The following TMEM131 variants were observed in gnomAD, a reference collection of about 807,000 sequenced individuals.
TMEM131 encodes transmembrane protein 131.
In TMEM131, 66 loss-of-function variants were observed where a neutral mutation model predicts 211.6. That is an observed-to-expected ratio of 0.31 (90% CI 0.26 to 0.38). The LOEUF (loss-of-function observed/expected upper bound fraction) is 0.38, where lower values mean the gene tolerates loss of function less well. TMEM131 is among the 10% of genes least tolerant of loss of function. The pLI is 1.00. For missense variants in TMEM131, 2,036 were observed against 2,299.3 expected, an observed-to-expected ratio of 0.89 and a Z score of 2.34; for synonymous variants, 844 against 841.3, an observed-to-expected ratio of 1.00 and a Z score of -0.06.
intron 1 of TMEM131, among the ~76,000 whole-genome samples, chr2:97,938,262 G>T (rs1468335931): frequency 6.6e-6 from 1 of 152,132 alleles, no homozygotes; most frequent in African/African-American, 2.4e-5. Flanking sequence ...AGACCCATCA[G>T]TGTGCTGTAT....
intron 28 of TMEM131, among the ~76,000 whole-genome samples, chr2:97,795,865 CA>C (rs1680737917): frequency 6.6e-6 from 1 of 152,110 alleles, no homozygotes; most frequent in Non-Finnish European, 1.5e-5. Flanking sequence ...ATGTATGAAA[CA>C]AATCTCTGTT....
In TMEM131 at chr2:97,882,900, T is replaced by C. The variant is rs115919612; in HGVS notation, c.359+5152A>G. Among the ~76,000 whole-genome samples the C allele has an allele frequency of 4.2e-3, 643 of 152,290 alleles. 3 individuals carry two copies. The highest frequency in any genetic ancestry group is 0.015 in the African/African-American group (610 of 41,544). On this transcript the variant is annotated intron_variant, in intron 4 of 40. Transcript: ENST00000186436. ...TGATCCAGAAAGTTTTAAATAATAG[T>C]AGAATGGTGGCTCAGTCCTTTTGGA...
At chr2:97,888,824 T>A (rs912300835) in intron 3 of TMEM131, among the ~76,000 whole-genome samples, 1 of 152,088 alleles carries the variant, frequency 6.6e-6, no homozygotes, top group African/African-American at 2.4e-5. Flanking sequence ...GTGTCAGAAA[T>A]TCAGTCAGAA....
intron 1 of TMEM131, among the ~76,000 whole-genome samples, chr2:97,962,151 T>C (rs922585481): frequency 9.9e-5 from 15 of 151,890 alleles, no homozygotes; most frequent in African/African-American, 3.1e-4. Context: ...AATGAAAAAA[T>C]TGAAAAACTG....
chr2:97,974,674 C>T (rs1451707561), intron 1 of TMEM131, among the ~76,000 whole-genome samples: 1 of 149,672 alleles, frequency 6.7e-6, no homozygotes, highest in African/African-American at 2.5e-5. Flanking sequence ...GAAAACAATG[C>T]AAGTGGGAAG....
At position 97,865,476 on chromosome 2, in the gene TMEM131, C is replaced by T. The variant is rs190472689; in HGVS notation, c.360-6049G>A. Among the ~76,000 whole-genome samples, 127 of 152,248 alleles carry T rather than the reference C, an allele frequency of 8.3e-4. 1 individual carries two copies. The highest frequency in any genetic ancestry group is 1.5e-3 in the Non-Finnish European group (102 of 68,012). On this transcript the variant is annotated intron_variant, in intron 4 of 40. Coordinates refer to ENST00000186436, the MANE Select transcript of TMEM131 (RefSeq NM_015348.2). Reference sequence around the variant, plus strand: ...ATCCCGTCTATCCTAGTTTGTTAGGCATTATTATCATGAAAGGATGTTATT... The same window carrying T: ...ATCCCGTCTATCCTAGTTTGTTAGGTATTATTATCATGAAAGGATGTTATT...
intron 1 of TMEM131, among the ~76,000 whole-genome samples, chr2:97,974,120 G>C (rs983120148): frequency 2.0e-5 from 3 of 152,138 alleles, no homozygotes; most frequent in Non-Finnish European, 4.4e-5. Flanking sequence ...TGTTCCATAT[G>C]TTCAAAAAGT....
intron 1 of TMEM131, among the ~76,000 whole-genome samples, chr2:97,991,738 C>T (rs1179238653): frequency 6.6e-6 from 1 of 152,124 alleles, no homozygotes; most frequent in Non-Finnish European, 1.5e-5. Context: ...TCTGGCAAGG[C>T]CAATCAGAGC....
chr2:97,858,733 G>T (rs758449338), intron 5 of TMEM131, among the ~76,000 whole-genome samples: 6 of 152,176 alleles, frequency 3.9e-5, no homozygotes, highest in Non-Finnish European at 8.8e-5. Flanking sequence ...AGGCCCTGAG[G>T]AGCTGAGAGG....
intron 1 of TMEM131, among the ~76,000 whole-genome samples, chr2:97,963,102 GT>G (rs1678894210): frequency 6.6e-6 from 1 of 152,166 alleles, no homozygotes; most frequent in African/African-American, 2.4e-5. Context: ...ACAACTGTAT[GT>G]TTATGAAACT....
At chr2:97,832,004 CAAAAAAA>C (rs770432398) in intron 11 of TMEM131, among the ~76,000 whole-genome samples, 5 of 60,272 alleles carry the variant, frequency 8.3e-5, no homozygotes, top group South Asian at 7.5e-4. Context: ...AAGTCACTTC[CAAAAAAA>C]AAAAAAAAAA....
chr2:97,985,047 G>A (rs1679963949), intron 1 of TMEM131, among the ~76,000 whole-genome samples: 1 of 152,050 alleles, frequency 6.6e-6, no homozygotes, highest in Non-Finnish European at 1.5e-5. Context: ...ATAAAATGTA[G>A]TAGCTGTCCC....
At chr2:97,887,545 G>C (rs563133228) in intron 4 of TMEM131, among the ~76,000 whole-genome samples, 115 of 152,150 alleles carry the variant, frequency 7.6e-4, no homozygotes, top group Middle Eastern at 6.8e-3. Flanking sequence ...CTCCTGCTTG[G>C]GGGAGGGTGT....
Position 97,792,593 on chromosome 2 carries a change from G to T in TMEM131, c.3937C>A (p.Pro1313Thr). ...QPPLPPPVPQ[P>T]QEPQPERLSP... is the part of the protein sequence containing the mutation. ...AGCCTTTCAGGCTGCGGCTCCTGGG[G>T]CTGAGGCACTGGCGGTGGCAGAGGA... The change falls in exon 31 of 41, where the codon CCC becomes ACC. Residue 1313 changes from proline to threonine, a missense_variant. Around this residue, in one of 3 missense-constraint regions of TMEM131, gnomAD observed 1,623 missense variants for 1,805.9 expected, o/e 0.90. Coordinates refer to ENST00000186436, the MANE Select transcript of TMEM131 (RefSeq NM_015348.2). The T allele has an allele frequency of 6.2e-7, 1 of 1,613,134 alleles. No homozygotes were observed.
chr2:97,858,736 C>T (rs1183139209), intron 5 of TMEM131, among the ~76,000 whole-genome samples: 4 of 152,142 alleles, frequency 2.6e-5, no homozygotes, highest in African/African-American at 7.2e-5. Context: ...CCCTGAGGAG[C>T]TGAGAGGGGT....
At chr2:97,835,948 G>C (rs556126705) in intron 8 of TMEM131, among the ~76,000 whole-genome samples, 2 of 152,206 alleles carry the variant, frequency 1.3e-5, no homozygotes, top group South Asian at 4.1e-4. Flanking sequence ...TTAAAAATCT[G>C]AATTCTCTTA....
At position 97,822,343 on chromosome 2, in the gene TMEM131, G is replaced by A. The variant is rs913555430; in HGVS notation, c.1075-3622C>T. Among the ~76,000 whole-genome samples, 5 of 152,118 alleles carry A rather than the reference G, an allele frequency of 3.3e-5. No homozygotes were observed. In the East Asian group the frequency reaches 5.8e-4, roughly 18 times the overall value. On this transcript the variant is annotated intron_variant, in intron 11 of 40. Transcript: ENST00000186436. ...AAAGCTATTCCTGAAGCTAGGATACGGGGAGCCTCAGAAACGATATCCTTC... is the reference window on the plus strand; with the variant it reads ...AAAGCTATTCCTGAAGCTAGGATACAGGGAGCCTCAGAAACGATATCCTTC...
chr2:97,822,642 G>C (rs1345469054), intron 11 of TMEM131, among the ~76,000 whole-genome samples: 1 of 152,160 alleles, frequency 6.6e-6, no homozygotes. Context: ...GTGTTGGTAA[G>C]GGCCACTAAA....
At position 97,885,871 on chromosome 2, in the gene TMEM131, A is replaced by AG. The variant is rs2104241459; in HGVS notation, c.359+2180dup. On this transcript the variant is annotated intron_variant, in intron 4 of 40. Transcript: ENST00000186436. ...ACTATTTCATTAAGTATGTTTTCTAAGCCTTTCTCCTTTCTCTTCTCCTTC... is the reference window on the plus strand; with the variant it reads ...ACTATTTCATTAAGTATGTTTTCTAAGGCCTTTCTCCTTTCTCTTCTCCTTC... 2.0e-5 allele frequency among the ~76,000 whole-genome samples: 3 copies of AG among 152,282 alleles called. No individual in the cohort carries two copies. In the East Asian group the frequency reaches 5.8e-4, roughly 29 times the overall value.
Sources: allele counts gnomAD v4.1 joint callset (sites outside exome capture counted in the v4.1 genomes callset), GRCh38; gene constraint gnomAD v4.1.1; regional missense constraint gnomAD v4.1.1; transcripts MANE v1.5; gene names NCBI Gene and HGNC (gene_info 2026-07-23, HGNC 2026-07-21).